The following EIF4E variants were observed in gnomAD, a reference collection of about 807,000 sequenced individuals.
EIF4E encodes eukaryotic translation initiation factor 4E, also known as eIF-4F 25 kDa subunit.
For missense variants in EIF4E, 113 were observed against 265.6 expected (o/e 0.43, Z 3.99); for synonymous variants, 71 against 88.5 (o/e 0.80, Z 1.11).
At chr4:98,889,648 A>T (rs1724068428) in intron 3 of EIF4E, among the ~76,000 whole-genome samples, 1 of 152,210 alleles carries the variant, frequency 6.6e-6, no homozygotes, top group Admixed American at 6.5e-5. Context: ...TCATATCTCT[A>T]AGTTATGGTA....
chr4:98,913,459 A>G (rs1166587563), intron 1 of EIF4E, among the ~76,000 whole-genome samples: 1 of 152,126 alleles, frequency 6.6e-6, no homozygotes, highest in Non-Finnish European at 1.5e-5. Context: ...CTGGGACTAC[A>G]GGCATGAGCC....
chr4:98,928,870 G>C (rs937575300), intron 1 of EIF4E: 5 of 1,539,002 alleles, frequency 3.2e-6, no homozygotes, highest in Non-Finnish European at 4.4e-6. Context: ...CCCCCACACC[G>C]CTCCCCCAGT....
At chr4:98,889,453 T>C (rs1343768395) in intron 3 of EIF4E, among the ~76,000 whole-genome samples, 2 of 152,208 alleles carry the variant, frequency 1.3e-5, no homozygotes, top group Admixed American at 1.3e-4. Context: ...TTCTCTTCTG[T>C]GGTGCTCAAA....
chr4:98,880,033 G>T lies in EIF4E; in HGVS notation c.*995C>A, dbSNP rs1723614203. ...AGTACAAATTCCTTCTATAAAGATGGAGAAATAAAAGGACAAATCTAGTTG... is the reference window on the plus strand; with the variant it reads ...AGTACAAATTCCTTCTATAAAGATGTAGAAATAAAAGGACAAATCTAGTTG... On this transcript the variant is annotated 3_prime_UTR_variant, in exon 7 of 7. Coordinates refer to ENST00000450253, the MANE Select transcript of EIF4E (RefSeq NM_001968.5). The T allele has an allele frequency of 6.6e-6, 1 of 152,538 alleles. No homozygotes were observed. The highest frequency in any genetic ancestry group is 2.1e-4 in the South Asian group (1 of 4,834). The allele number at this position is 152,538 out of a possible 1,614,324, so 9.4% of individuals were successfully genotyped here. A position where few individuals can be genotyped will look rare whatever the true frequency, so the allele number is the denominator to read the frequency against.
At chr4:98,929,040 GA>G (rs1436533988) in intron 1 of EIF4E, 54 bp downstream of exon 1, 50 of 1,571,870 alleles carry the variant, frequency 3.2e-5, no homozygotes, top group Non-Finnish European at 4.1e-5. Context: ...CCCCCAGTCA[GA>G]AGGAAGACGG....
At chr4:98,925,487 G>A (rs570810311) in intron 1 of EIF4E, among the ~76,000 whole-genome samples, 36 of 152,270 alleles carry the variant, frequency 2.4e-4, no homozygotes, top group African/African-American at 6.7e-4. Flanking sequence ...TCAGAGTACC[G>A]TTTGCCCTAA....
chr4:98,881,782 T>C (rs1410566240), intron 6 of EIF4E, among the ~76,000 whole-genome samples: 1 of 152,184 alleles, frequency 6.6e-6, no homozygotes, highest in East Asian at 1.9e-4. Flanking sequence ...ACATACTAAC[T>C]TTACAACCTA....
At chr4:98,890,355 T>C (rs1193955433) in intron 3 of EIF4E, among the ~76,000 whole-genome samples, 2 of 152,224 alleles carry the variant, frequency 1.3e-5, no homozygotes, top group African/African-American at 2.4e-5. Flanking sequence ...TGCTAGGTAA[T>C]TTAAAGTGCT....
At chr4:98,923,071 G>A (rs563059424) in intron 1 of EIF4E, among the ~76,000 whole-genome samples, 7 of 151,178 alleles carry the variant, frequency 4.6e-5, no homozygotes, top group African/African-American at 9.7e-5. Flanking sequence ...GGCTGGTCTC[G>A]AACTCCCGAC....
At chr4:98,902,491 G>A (rs750083177) in intron 1 of EIF4E, among the ~76,000 whole-genome samples, 43 of 151,946 alleles carry the variant, frequency 2.8e-4, no homozygotes, top group African/African-American at 3.6e-4. Flanking sequence ...AAGAGCAAAC[G>A]GTTTCTCAAA....
intron 2 of EIF4E, among the ~76,000 whole-genome samples, chr4:98,894,537 G>C (rs1403693965): frequency 6.6e-6 from 1 of 152,158 alleles, no homozygotes; most frequent in Non-Finnish European, 1.5e-5. Flanking sequence ...ACTGACCTCT[G>C]CCAGCTTTCA....
intron 1 of EIF4E, among the ~76,000 whole-genome samples, chr4:98,920,400 A>G (rs957375319): frequency 7.9e-5 from 12 of 151,916 alleles, no homozygotes; most frequent in Non-Finnish European, 1.6e-4. Context: ...TCCCAGGTTC[A>G]AGCAATTCTC....
At chr4:98,884,867 T>A in intron 6 of EIF4E, 55 bp downstream of exon 6, 1 of 1,601,220 alleles carries the variant, frequency 6.2e-7, no homozygotes, top group Non-Finnish European at 8.5e-7. Context: ...TAAAATAACT[T>A]CTGGTTTTAC....
intron 3 of EIF4E, among the ~76,000 whole-genome samples, chr4:98,888,685 C>G (rs1202066056): frequency 6.6e-6 from 1 of 152,130 alleles, no homozygotes; most frequent in Non-Finnish European, 1.5e-5. Flanking sequence ...CATTTGATCT[C>G]CTGTAGTCTT....
At chr4:98,886,770 T>G (rs1723938475) in intron 5 of EIF4E, 1 of 372,850 alleles carries the variant, frequency 2.7e-6, no homozygotes, top group East Asian at 6.7e-5. Context: ...TGTAAGAGGG[T>G]TGCAAAAACT....
intron 1 of EIF4E, among the ~76,000 whole-genome samples, chr4:98,908,459 T>C (rs1376190219): frequency 1.3e-5 from 2 of 152,204 alleles, no homozygotes; most frequent in African/African-American, 2.4e-5. Context: ...ACCAGCTGTG[T>C]CCATATTAGA....
At chr4:98,884,824 A>G (rs1723849255) in intron 6 of EIF4E, 98 bp downstream of exon 6, 3 of 1,478,918 alleles carry the variant, frequency 2.0e-6, no homozygotes, top group Middle Eastern at 4.8e-4. Context: ...GGAAAACAGG[A>G]TCTACAAACT....
At chr4:98,881,175 T>C (rs751767073) in intron 6 of EIF4E, 33 bp from the exon 7 acceptor site, 1 of 1,604,932 alleles carries the variant, frequency 6.2e-7, no homozygotes, top group Non-Finnish European at 8.5e-7. Context: ...AAGAAAAAAG[T>C]AGTCATTAAC....
Position 98,886,661 on chromosome 4 carries a change from C to A in EIF4E, c.399+418G>T, listed in dbSNP as rs1293891404. ...ACCCAGAGGGTGAGGCTGAAATGAG[C>A]CATATAAATAAATATCCGCACTCCA... is the stretch of plus-strand genomic sequence containing the variant. On this transcript the variant is annotated intron_variant, in intron 5 of 6. Transcript: ENST00000450253. 1.2e-5 allele frequency: 4 copies of A among 335,750 alleles called. No homozygotes were observed. The East Asian group carries it at 3.1e-4, about 26-fold the overall frequency. 20.8% of individuals were successfully genotyped at this position (335,750 alleles called of 1,614,324 possible).
Sources: gnomAD v4.1 joint callset for allele counts (sites outside exome capture counted in the v4.1 genomes callset) on GRCh38, gnomAD v4.1.1 for gene constraint, MANE v1.5 for transcripts, NCBI Gene and HGNC (gene_info 2026-07-23, HGNC 2026-07-21) for gene names.